Variants in ZNF316 observed in about 807,000 individuals in gnomAD.
ZNF316 encodes zinc finger protein 316.
A neutral mutation model predicts 75.6 loss-of-function variants in ZNF316; 23 were observed. That is an observed-to-expected ratio of 0.30 (90% CI 0.22 to 0.43). ZNF316 has a LOEUF of 0.43. Among genes scored for constraint, ZNF316 ranks in the 20% least tolerant of loss-of-function variants. The pLI is 1.00. For synonymous variants in ZNF316, 827 were observed against 666.2 expected (o/e 1.24, Z -3.72); for missense variants, 1,266 against 1,409.4 (o/e 0.90, Z 1.63).
At chr7:6,644,073 A>C (rs1365196584) in intron 7 of ZNF316, 125 bp downstream of exon 7, 1 of 1,075,860 alleles carries the variant, frequency 9.3e-7, no homozygotes, top group African/African-American at 1.6e-5. Context: ...GGCCCAGCCC[A>C]CCTCCCAGGG....
Position 6,653,319 on chromosome 7 carries a change from G to A in ZNF316, c.1723G>A (p.Glu575Lys). 4 of 1,226,786 alleles carry A rather than the reference G, an allele frequency of 3.3e-6. No individual in the cohort carries two copies. Among genetic ancestry groups the A allele is most frequent in the Non-Finnish European group, 4.1e-6 (4 of 985,326 alleles). 76.0% of individuals were successfully genotyped at this position (1,226,786 alleles called of 1,614,324 possible). ...TPSGKVDPAP[E>K]RRFLELGNGL... ...CAGCGGCAAGGTGGACCCCGCGCCG[G>A]AACGGCGCTTCCTGGAGCTGGGCAA... is the stretch of plus-strand genomic sequence containing the variant. The change falls in exon 9 of 9, where the codon GAA becomes AAA. Residue 575 changes from glutamate to lysine, a missense_variant. Glu to Lys is a moderately conservative substitution (Grantham distance 56, BLOSUM62 1). Transcript: ENST00000382252.
intron 8 of ZNF316, among the ~76,000 whole-genome samples, chr7:6,647,945 C>T (rs1779437934): frequency 6.6e-6 from 1 of 152,196 alleles, no homozygotes; most frequent in Non-Finnish European, 1.5e-5. Flanking sequence ...ACGCTGTGCC[C>T]AGGGCAGGGC....
At chr7:6,647,457 G>A (rs542982561) in intron 8 of ZNF316, among the ~76,000 whole-genome samples, 78 of 152,368 alleles carry the variant, frequency 5.1e-4, no homozygotes, top group South Asian at 3.1e-3. Context: ...CCTCCTTTGC[G>A]ACTGTCCCCC....
rs376992780 is a variant in ZNF316 at position 6,648,266 on chromosome 7, CG to C, written c.706+3677del. On this transcript the variant is annotated intron_variant, in intron 8 of 8. Coordinates refer to ENST00000382252, the MANE Select transcript of ZNF316 (RefSeq NM_001278559.2). ...TCCAGTCCAGGAGGCAGCCTGCCCC[CG>C]GGGCACAGGGCTGGCCAGGGGCCTA... Among the ~76,000 whole-genome samples, 170 of 152,254 alleles carry C rather than the reference CG, an allele frequency of 1.1e-3. 3 individuals carry two copies. Among genetic ancestry groups the C allele is most frequent in the African/African-American group, 3.9e-3 (161 of 41,552 alleles).
In ZNF316 at chr7:6,657,599, G is replaced by A. The variant is rs1333166621; in HGVS notation, c.*2988G>A. Among the ~76,000 whole-genome samples, 1 of 152,120 alleles carries A rather than the reference G, an allele frequency of 6.6e-6. No homozygotes were observed. Among genetic ancestry groups the A allele is most frequent in the Non-Finnish European group, 1.5e-5 (1 of 68,030 alleles). On this transcript the variant is annotated 3_prime_UTR_variant, in exon 9 of 9. Transcript: ENST00000382252. ...TAATCCCAGCACTATGGGAGGCCAA[G>A]GCGGATCCCTTGAGCTCAGATGGAT...
At chr7:6,638,979 A>T (rs1191191940) in intron 2 of ZNF316, 63 bp from the exon 3 acceptor site, 2 of 152,280 alleles carry the variant, frequency 1.3e-5, no homozygotes, top group East Asian at 3.8e-4. Flanking sequence ...TCCGTTTTTC[A>T]AACCATTATG....
chr7:6,642,711 A>G lies in ZNF316; in HGVS notation c.302A>G (p.Gln101Arg). ...AEEECPALGT[Q>R]ERLSRGGDAK... ...GAGGAGTGTCCGGCGTTGGGGACCCAGGAGCGACTTAGCCGTGGTGGTGAT... is the reference window on the plus strand; with the variant it reads ...GAGGAGTGTCCGGCGTTGGGGACCCGGGAGCGACTTAGCCGTGGTGGTGAT... Residue 101 changes from glutamine (Q) to arginine (R), a missense_variant, in exon 5 of 9, where the codon CAG (glutamine) becomes CGG (arginine). Coordinates refer to ENST00000382252, the MANE Select transcript of ZNF316 (RefSeq NM_001278559.2). The surrounding 1 kb of genome is among the most constrained non-coding windows in gnomAD (Gnocchi z 8.1). The G allele has an allele frequency of 8.1e-7, 1 of 1,234,174 alleles. No homozygotes were observed. Among genetic ancestry groups the G allele is most frequent in the Non-Finnish European group, 1.0e-6 (1 of 989,302 alleles). The allele number at this position is 1,234,174 out of a possible 1,614,324, so 76.5% of individuals were successfully genotyped here.
At chr7:6,647,792 C>T (rs958120108) in intron 8 of ZNF316, among the ~76,000 whole-genome samples, 4 of 152,194 alleles carry the variant, frequency 2.6e-5, no homozygotes, top group Admixed American at 6.5e-5. Context: ...GTGTGGGCTA[C>T]ACCGAGCAGC....
chr7:6,654,257 C>T lies in ZNF316; in HGVS notation c.2661C>T (p.Phe887=). ...HRRGHTGERP[F]PCPECGKRFS... is the part of the protein sequence containing the mutation. ...GCGGCCACACGGGCGAACGCCCCTT[C>T]CCGTGCCCTGAGTGCGGCAAGCGCT... The change falls in exon 9 of 9, where the codon TTC becomes TTT. Residue 887 remains phenylalanine, a synonymous_variant. Coordinates refer to ENST00000382252, the MANE Select transcript of ZNF316 (RefSeq NM_001278559.2). 7 of 1,223,586 alleles carry T rather than the reference C, an allele frequency of 5.7e-6. No individual in the cohort carries two copies. The highest frequency in any genetic ancestry group is 7.1e-6 in the Non-Finnish European group (7 of 982,092). 75.8% of individuals were successfully genotyped at this position (1,223,586 alleles called of 1,614,324 possible).
In ZNF316 at chr7:6,642,741, A is replaced by G; in HGVS notation, c.332A>G (p.Lys111Arg). The G allele has an allele frequency of 8.1e-7, 1 of 1,233,638 alleles. No individual in the cohort carries two copies. Among genetic ancestry groups the G allele is most frequent in the Non-Finnish European group, 1.0e-6 (1 of 989,030 alleles). The allele number at this position is 1,233,638 out of a possible 1,614,324, so 76.4% of individuals were successfully genotyped here. ...QERLSRGGDAKSPVLQEKGLQ... is the reference protein window; with the variant it reads ...QERLSRGGDARSPVLQEKGLQ... ...CGACTTAGCCGTGGTGGTGATGCCA[A>G]GTCCCCAGTTCTTCAGGAAAAGGGT... Residue 111 changes from lysine to arginine, a missense_variant, in exon 5 of 9, where the codon AAG becomes AGG. Around this residue, in one of 3 missense-constraint regions of ZNF316, gnomAD observed 961 missense variants for 990.9 expected, o/e 0.97. Transcript: ENST00000382252. The surrounding 1 kb of genome is among the most constrained non-coding windows in gnomAD (Gnocchi z 8.1).
Position 6,653,576 on chromosome 7 carries a change from C to T in ZNF316, c.1980C>T (p.Gly660=). 2.8e-6 allele frequency: 3 copies of T among 1,088,246 alleles called. No individual in the cohort carries two copies. The highest frequency in any genetic ancestry group is 4.3e-5 in the South Asian group (1 of 23,038). The allele number at this position is 1,088,246 out of a possible 1,614,324, so 67.4% of individuals were successfully genotyped here. A position where few individuals can be genotyped will look rare whatever the true frequency, so the allele number is the denominator to read the frequency against. ...CTTTCGGCGGCGGCGGGGCCGCGGG[C>T]GGCGGAGGCGGCCTGCGCGCGTTCG... ...CDPFGGGGAA[G]GGGGLRAFGP... Residue 660 remains glycine (G), a synonymous_variant, in exon 9 of 9, where the codon GGC becomes GGT. Transcript: ENST00000382252.
At position 6,640,093 on chromosome 7, in the gene ZNF316, G is replaced by A. The variant is rs1779285670; in HGVS notation, c.-167+952G>A. 6.6e-6 allele frequency among the ~76,000 whole-genome samples: 1 copy of A among 152,308 alleles called. No individual in the cohort carries two copies. Among genetic ancestry groups the A allele is most frequent in the African/African-American group, 2.4e-5 (1 of 41,570 alleles). On this transcript the variant is annotated intron_variant, in intron 3 of 8. Transcript: ENST00000382252. The surrounding 1 kb of genome is among the most constrained non-coding windows in gnomAD (Gnocchi z 5.1). ...GGCTTCTGGATGCCTGTGTGTCCCA[G>A]CCTTTGACTTGGGTGAGCCTGTGTG...
intron 8 of ZNF316, among the ~76,000 whole-genome samples, chr7:6,648,800 C>T (rs1360485877): frequency 1.3e-5 from 2 of 152,028 alleles, no homozygotes; most frequent in Non-Finnish European, 2.9e-5. Context: ...GGGCTTCAGC[C>T]TGCAGGAGGG....
rs937385899 is a variant in ZNF316 at position 6,640,586 on chromosome 7, T to C, written c.-166-1239T>C. Among the ~76,000 whole-genome samples the C allele has an allele frequency of 2.6e-5, 4 of 151,922 alleles. No individual in the cohort carries two copies. The highest frequency in any genetic ancestry group is 5.9e-5 in the Non-Finnish European group (4 of 67,928). ...CTCCCACCAGGCCCCGCCTCCAGCA[T>C]TGGGGATTACGGTTCAGCGTGAGAT... On this transcript the variant is annotated intron_variant, in intron 3 of 8. Transcript: ENST00000382252. The surrounding 1 kb of genome is among the most constrained non-coding windows in gnomAD (Gnocchi z 5.1).
chr7:6,639,226 T>G lies in ZNF316; in HGVS notation c.-167+85T>G, dbSNP rs756966426. The G allele has an allele frequency of 2.6e-5, 4 of 152,224 alleles. No individual in the cohort carries two copies. Among genetic ancestry groups the G allele is most frequent in the Non-Finnish European group, 5.9e-5 (4 of 68,092 alleles). 9.4% of individuals were successfully genotyped at this position (152,224 alleles called of 1,614,324 possible). The stretch of plus-strand genomic sequence containing the variant: ...CTGGAACAGGACAGTAGGGCCAAAA[T>G]GCTGAGTTTGAAAAATCCTGTGTCC... On this transcript the variant is annotated intron_variant, in intron 3 of 8. Transcript: ENST00000382252. The surrounding 1 kb of genome is among the most constrained non-coding windows in gnomAD (Gnocchi z 4.2).
rs1298174257 is a variant in ZNF316, at chr7:6,656,881, C to T, written c.*2270C>T. ...AGGACCCAAAATGCCTCCCTTAAAG[C>T]TGATTGGTTGATTTCTTTATTCTTA... On this transcript the variant is annotated 3_prime_UTR_variant, in exon 9 of 9. Coordinates refer to ENST00000382252, the MANE Select transcript of ZNF316 (RefSeq NM_001278559.2). Among the ~76,000 whole-genome samples, 1 of 152,174 alleles carries T rather than the reference C, an allele frequency of 6.6e-6. No homozygotes were observed. The highest frequency in any genetic ancestry group is 1.5e-5 in the Non-Finnish European group (1 of 68,032).
rs923462964 is a variant in ZNF316 at position 6,642,870 on chromosome 7, G to A, written c.356-94G>A. On this transcript the variant is annotated intron_variant, in intron 5 of 8. Transcript: ENST00000382252. The surrounding 1 kb of genome is among the most constrained non-coding windows in gnomAD (Gnocchi z 8.1). ...GCTCTTGGGCCGACAGGGTGGAGCT[G>A]AAACCCAGCTTTGCAATGAGGGTGT... is the stretch of plus-strand genomic sequence containing the variant. 66 of 1,231,998 alleles carry A rather than the reference G, an allele frequency of 5.4e-5. No individual in the cohort carries two copies. Among genetic ancestry groups the A allele is most frequent in the Non-Finnish European group, 6.7e-5 (66 of 988,020 alleles). The allele number at this position is 1,231,998 out of a possible 1,614,324, so 76.3% of individuals were successfully genotyped here. A position where few individuals can be genotyped will look rare whatever the true frequency, so the allele number is the denominator to read the frequency against.
At position 6,657,703 on chromosome 7, in the gene ZNF316, T is replaced by C. The variant is rs1779650967; in HGVS notation, c.*3092T>C. 6.6e-6 allele frequency among the ~76,000 whole-genome samples: 1 copy of C among 151,540 alleles called. No individual in the cohort carries two copies. Among genetic ancestry groups the C allele is most frequent in the Non-Finnish European group, 1.5e-5 (1 of 67,904 alleles). ...CTCTATAAAAAATACAAAAATTAGC[T>C]GGGTGTGGTGGCGCACGTCTATAGT... On this transcript the variant is annotated 3_prime_UTR_variant, in exon 9 of 9. Coordinates refer to ENST00000382252, the MANE Select transcript of ZNF316 (RefSeq NM_001278559.2).
chr7:6,638,445 C>T (rs1417629814), intron 2 of ZNF316, among the ~76,000 whole-genome samples: 2 of 152,166 alleles, frequency 1.3e-5, no homozygotes, highest in Non-Finnish European at 2.9e-5. Flanking sequence ...CACAAGCACA[C>T]CCCCACATCT....
Sources: gnomAD v4.1 joint callset for allele counts (sites outside exome capture counted in the v4.1 genomes callset) on GRCh38, gnomAD v4.1.1 for gene constraint, gnomAD v4.1.1 regional missense constraint, Gnocchi (gnomAD v3.1) non-coding constraint, MANE v1.5 for transcripts, NCBI Gene and HGNC (gene_info 2026-07-23, HGNC 2026-07-21) for gene names.